The following GSTCD variants were observed in gnomAD, a reference collection of about 807,000 sequenced individuals.
GSTCD encodes the protein glutathione S-transferase C-terminal domain containing.
A neutral mutation model predicts 68.3 loss-of-function variants in GSTCD; 44 were observed. That is an observed-to-expected ratio of 0.64 (90% CI 0.51 to 0.83). The LOEUF is 0.83. Among genes scored for constraint, GSTCD ranks in the 40% least tolerant of loss-of-function variants. GSTCD has a pLI of 0.00. For missense variants in GSTCD, 739 were observed against 735.9 expected (o/e 1.00, Z -0.05); for synonymous variants, 273 against 255.2 (o/e 1.07, Z -0.67).
chr4:105,735,663 A>G (rs977131180), intron 5 of GSTCD, among the ~76,000 whole-genome samples: 17 of 152,096 alleles, frequency 1.1e-4, no homozygotes, highest in African/African-American at 1.9e-4. Flanking sequence ...CTCACACTCA[A>G]TGGGCAGCAC....
At position 105,783,423 on chromosome 4, in the gene GSTCD, C is replaced by T. The variant is rs377221374; in HGVS notation, c.1241-39531C>T. 3.9e-5 allele frequency among the ~76,000 whole-genome samples: 6 copies of T among 152,112 alleles called. No individual in the cohort carries two copies. The East Asian group carries it at 7.7e-4, about 20-fold the overall frequency. On this transcript the variant is annotated intron_variant, in intron 5 of 11. Transcript: ENST00000515279. ...GTGCAGTTGGTGTTGACCTATATGCCTTAAAACTTTTTTATATTAATGTAA... is the reference window on the plus strand; with the variant it reads ...GTGCAGTTGGTGTTGACCTATATGCTTTAAAACTTTTTTATATTAATGTAA...
At chr4:105,729,839 A>G (rs2149212505) in intron 5 of GSTCD, among the ~76,000 whole-genome samples, 1 of 152,194 alleles carries the variant, frequency 6.6e-6, no homozygotes, top group East Asian at 1.9e-4. Flanking sequence ...GGTGTGCTGC[A>G]CCCATTAACT....
chr4:105,725,680 C>T (rs1440784235), intron 3 of GSTCD, among the ~76,000 whole-genome samples: 3 of 151,848 alleles, frequency 2.0e-5, no homozygotes, highest in African/African-American at 4.8e-5. Context: ...TTCATTTTCT[C>T]GTTGCTGAGT....
intron 5 of GSTCD, among the ~76,000 whole-genome samples, chr4:105,736,456 A>C (rs1191135200): frequency 1.3e-5 from 2 of 151,986 alleles, no homozygotes; most frequent in Non-Finnish European, 2.9e-5. Flanking sequence ...AAATTTAATT[A>C]TATTTGTTAT....
In GSTCD at chr4:105,793,875, T is replaced by C. The variant is rs1220586032; in HGVS notation, c.1241-29079T>C. ...CACTAAGCAGGGCATGCCCATTAAATTATAATGTTGTAAAGCTTGAATTCT... is the reference window on the plus strand; with the variant it reads ...CACTAAGCAGGGCATGCCCATTAAACTATAATGTTGTAAAGCTTGAATTCT... On this transcript the variant is annotated intron_variant, in intron 5 of 11. Transcript: ENST00000515279. 3.3e-5 allele frequency among the ~76,000 whole-genome samples: 5 copies of C among 152,230 alleles called. No individual in the cohort carries two copies. In the East Asian group the frequency reaches 7.7e-4, roughly 23 times the overall value.
At chr4:105,712,800 G>GTAA (rs556134463) in intron 1 of GSTCD, among the ~76,000 whole-genome samples, 132 of 152,248 alleles carry the variant, frequency 8.7e-4, no homozygotes, top group Middle Eastern at 3.4e-3. Flanking sequence ...AAGCATCTGG[G>GTAA]TAATTGGTGT....
intron 5 of GSTCD, among the ~76,000 whole-genome samples, chr4:105,810,744 C>T (rs1300584677): frequency 6.6e-6 from 1 of 151,970 alleles, no homozygotes; most frequent in South Asian, 2.1e-4. Context: ...ATTTTTGTAG[C>T]TCTCAATTTC....
At chr4:105,714,390 A>G (rs1471997731) in intron 1 of GSTCD, among the ~76,000 whole-genome samples, 1 of 152,080 alleles carries the variant, frequency 6.6e-6, no homozygotes, top group African/African-American at 2.4e-5. Flanking sequence ...TATAGTACCT[A>G]CCTTCTTAAA....
At chr4:105,804,998 A>G (rs1199408653) in intron 5 of GSTCD, among the ~76,000 whole-genome samples, 1 of 152,148 alleles carries the variant, frequency 6.6e-6, no homozygotes, top group Non-Finnish European at 1.5e-5. Context: ...GCTGCATAGT[A>G]AAATACTGAT....
intron 11 of GSTCD, among the ~76,000 whole-genome samples, chr4:105,842,935 GGT>G (rs1724414979): frequency 6.6e-6 from 1 of 152,148 alleles, no homozygotes; most frequent in Non-Finnish European, 1.5e-5. Context: ...CCAGCATACT[GGT>G]GTCATATCAG....
intron 5 of GSTCD, among the ~76,000 whole-genome samples, chr4:105,795,141 G>T (rs1264008293): frequency 6.6e-6 from 1 of 152,074 alleles, no homozygotes; most frequent in Admixed American, 6.5e-5. Flanking sequence ...CTCCCAAAGA[G>T]CTGGGATTAC....
At chr4:105,783,196 T>C (rs888435478) in intron 5 of GSTCD, among the ~76,000 whole-genome samples, 1 of 152,210 alleles carries the variant, frequency 6.6e-6, no homozygotes, top group African/African-American at 2.4e-5. Flanking sequence ...AAATTGAACT[T>C]TTTCTGTTTA....
rs1735043928 is a variant in GSTCD, at chr4:105,775,963, G to A, written c.1240+46464G>A. 2.0e-5 allele frequency among the ~76,000 whole-genome samples: 3 copies of A among 152,192 alleles called. No homozygotes were observed. The South Asian group carries it at 6.2e-4, about 32-fold the overall frequency. ...GCGCACACAGCTGCCCCATCCCCCA[G>A]GTGCTCTGTCCCAGGGAGATGGGAG... On this transcript the variant is annotated intron_variant, in intron 5 of 11. Transcript: ENST00000515279.
intron 1 of GSTCD, among the ~76,000 whole-genome samples, chr4:105,715,001 A>G (rs1248514601): frequency 1.3e-5 from 2 of 152,234 alleles, no homozygotes; most frequent in East Asian, 3.8e-4. Flanking sequence ...AAAAAGTGTT[A>G]GGATGAGCCT....
chr4:105,809,118 C>T (rs1289605123), intron 5 of GSTCD, among the ~76,000 whole-genome samples: 4 of 152,202 alleles, frequency 2.6e-5, no homozygotes, highest in African/African-American at 7.2e-5. Context: ...GTGGTAAGAA[C>T]ACATCTATCC....
At chr4:105,756,865 C>T (rs1035014401) in intron 5 of GSTCD, among the ~76,000 whole-genome samples, 13 of 152,100 alleles carry the variant, frequency 8.5e-5, no homozygotes, top group Non-Finnish European at 2.9e-5. Flanking sequence ...ACAGTTAAGA[C>T]ACACTGTCCG....
intron 5 of GSTCD, among the ~76,000 whole-genome samples, chr4:105,742,375 T>C (rs1278594746): frequency 6.6e-6 from 1 of 152,228 alleles, no homozygotes; most frequent in African/African-American, 2.4e-5. Context: ...GTTGAAATTA[T>C]ACTTGTCTTT....
intron 3 of GSTCD, among the ~76,000 whole-genome samples, chr4:105,720,239 AGAACAGGGT>A (rs761173602): frequency 6.5e-4 from 99 of 152,348 alleles, no homozygotes; most frequent in Non-Finnish European, 1.2e-3. Flanking sequence ...GGAGGAAAAA[AGAACAGGGT>A]GAAAATAATA....
chr4:105,790,400 T>G (rs1735618482), intron 5 of GSTCD, among the ~76,000 whole-genome samples: 1 of 152,146 alleles, frequency 6.6e-6, no homozygotes, highest in African/African-American at 2.4e-5. Flanking sequence ...GGCTTATGCC[T>G]GTATTCCCAG....
Sources: allele counts gnomAD v4.1 joint callset (sites outside exome capture counted in the v4.1 genomes callset), GRCh38; gene constraint gnomAD v4.1.1; transcripts MANE v1.5; gene names NCBI Gene and HGNC (gene_info 2026-07-23, HGNC 2026-07-21).